POU5F1B: variants seen among roughly 807,000 people sequenced by gnomAD.
POU5F1B encodes the protein POU domain, class 5, transcription factor 1B.
A neutral mutation model predicts 28.1 loss-of-function variants in POU5F1B; 24 were observed. The ratio of observed to expected loss-of-function variants is 0.85; its 90% confidence interval spans 0.62 to 1.20. POU5F1B has a LOEUF of 1.20. Ranked by LOEUF, POU5F1B falls within the 50% of genes most tolerant of loss-of-function variation. The pLI is 0.00. For synonymous variants in POU5F1B, 220 were observed against 193.2 expected (o/e 1.14, Z -1.15); for missense variants, 451 against 451.5 (o/e 1.00, Z 0.01).
exon 3 of POU5F1B, chr8:127,416,840 G>A (rs1563684651): frequency 1.9e-6 from 3 of 1,603,316 alleles, no homozygotes; most frequent in Middle Eastern, 3.3e-4. Flanking sequence ...CCAGGCTATG[G>A]GAGCCCTCAC....
At chr8:127,416,804 C>T (rs556361752) in exon 3 of POU5F1B, 27 of 1,605,338 alleles carry the variant, frequency 1.7e-5, no homozygotes, top group South Asian at 6.7e-5. Flanking sequence ...TCCTTTCCTC[C>T]GGCCCCAGGG....
At chr8:127,416,662 C>T (rs1323604058) in exon 3 of POU5F1B, 1 of 1,604,038 alleles carries the variant, frequency 6.2e-7, no homozygotes, top group African/African-American at 1.3e-5. Context: ...CGCCCAGCAG[C>T]TTGGGCTCGA....
exon 3 of POU5F1B, chr8:127,417,182 C>G (rs1382198402): frequency 1.4e-5 from 6 of 427,684 alleles, no homozygotes; most frequent in South Asian, 6.6e-5. Flanking sequence ...AATAAAGAAG[C>G]CTGGGACACA....
At chr8:127,413,466 T>C (rs1370569374) in intron 1 of POU5F1B, among the ~76,000 whole-genome samples, 1 of 152,228 alleles carries the variant, frequency 6.6e-6, no homozygotes. Context: ...CCTCATTATC[T>C]ATCCCAGTGC....
chr8:127,413,857 TACACAC>T (rs3999776), intron 1 of POU5F1B, among the ~76,000 whole-genome samples: 12 of 150,600 alleles, frequency 8.0e-5, no homozygotes, highest in South Asian at 4.2e-4. Flanking sequence ...AAAAAGGTGG[TACACAC>T]ACACACACAC....
At chr8:127,416,349 A>T in exon 3 of POU5F1B, 1 of 1,612,126 alleles carries the variant, frequency 6.2e-7, no homozygotes. Flanking sequence ...TCACCCTGGG[A>T]TATACACAGG....
exon 3 of POU5F1B, chr8:127,416,130 C>T (rs754939505): frequency 1.2e-6 from 2 of 1,613,558 alleles, no homozygotes; most frequent in East Asian, 2.2e-5. Context: ...TGCCCCAAGG[C>T]GGCTTGGAGA....
exon 3 of POU5F1B, chr8:127,415,709 C>T (rs1259364604): frequency 8.1e-7 from 1 of 1,230,148 alleles, no homozygotes; most frequent in African/African-American, 1.5e-5. Context: ...TTGAAGAGTT[C>T]CTAACACATT....
chr8:127,415,475 C>T (rs4871022), exon 3 of POU5F1B: 93,786 of 181,604 alleles, frequency 0.52, 26,394 homozygotes, highest in East Asian at 0.65. Context: ...ACACACCATT[C>T]CATAGCACAG....
At chr8:127,416,343 C>T (rs1815138194) in exon 3 of POU5F1B, 1 of 1,612,318 alleles carries the variant, frequency 6.2e-7, no homozygotes, top group Non-Finnish European at 8.5e-7. Context: ...AGAGGATCAC[C>T]CTGGGATATA....
exon 3 of POU5F1B, chr8:127,416,105 T>A: frequency 6.2e-7 from 1 of 1,613,104 alleles, no homozygotes; most frequent in Non-Finnish European, 8.5e-7. Flanking sequence ...GGGCCTCAGG[T>A]TGGAGTGGGG....
At chr8:127,417,194 TAAAA>T (rs71303488) in exon 3 of POU5F1B, 36 of 248,178 alleles carry the variant, frequency 1.5e-4, no homozygotes, top group South Asian at 8.1e-4. Flanking sequence ...TGGGACACAG[TAAAA>T]AAAAAAAAAA....
chr8:127,416,116 C>T, exon 3 of POU5F1B: 2 of 1,613,446 alleles, frequency 1.2e-6, no homozygotes, highest in South Asian at 2.2e-5. Context: ...TGGAGTGGGG[C>T]TAGTGCCCCA....
At chr8:127,416,733 C>T (rs28409416) in exon 3 of POU5F1B, 2 of 1,609,394 alleles carry the variant, frequency 1.2e-6, no homozygotes, top group African/African-American at 1.3e-5. Context: ...GATCAAGCAG[C>T]GACTATGCAC....
exon 3 of POU5F1B, chr8:127,416,883 T>C (rs745822635): frequency 5.6e-6 from 9 of 1,600,146 alleles, no homozygotes; most frequent in African/African-American, 2.7e-5. Context: ...TCCCTTTCCC[T>C]GAGGGGGAAG....
intron 1 of POU5F1B, among the ~76,000 whole-genome samples, chr8:127,414,129 A>G (rs985489136): frequency 6.6e-6 from 1 of 152,220 alleles, no homozygotes; most frequent in African/African-American, 2.4e-5. Flanking sequence ...TATCTATCTT[A>G]TTGGAAACAC....
chr8:127,416,135 T>C (rs748022749), exon 3 of POU5F1B: 7 of 1,613,668 alleles, frequency 4.3e-6, no homozygotes, highest in Non-Finnish European at 5.9e-6. Flanking sequence ...CAAGGCGGCT[T>C]GGAGACCTCT....
chr8:127,416,349 A>G, exon 3 of POU5F1B: 1 of 1,612,126 alleles, frequency 6.2e-7, no homozygotes, highest in Non-Finnish European at 8.5e-7. Flanking sequence ...TCACCCTGGG[A>G]TATACACAGG....
exon 3 of POU5F1B, chr8:127,416,815 C>T (rs1345399204): frequency 1.9e-6 from 3 of 1,605,340 alleles, no homozygotes; most frequent in African/African-American, 2.7e-5. Context: ...GGCCCCAGGG[C>T]CCCATTTTGG....
Sources: allele counts gnomAD v4.1 joint callset (sites outside exome capture counted in the v4.1 genomes callset), GRCh38; gene constraint gnomAD v4.1.1; transcripts MANE v1.5; gene names NCBI Gene and HGNC (gene_info 2026-07-23, HGNC 2026-07-21).